Variants in MOBP observed in about 807,000 individuals in gnomAD.
MOBP encodes myelin associated oligodendrocyte basic protein.
A neutral mutation model predicts 15.0 loss-of-function variants in MOBP; 5 were observed. The ratio of observed to expected loss-of-function variants is 0.33; its 90% confidence interval spans 0.17 to 0.70. MOBP has a LOEUF of 0.70. Among genes scored for constraint, MOBP ranks in the 30% least tolerant of loss-of-function variants. MOBP has a pLI of 0.67. For missense variants in MOBP, 188 were observed against 257.8 expected (o/e 0.73, Z 1.85); for synonymous variants, 88 against 99.0 (o/e 0.89, Z 0.66).
intron 2 of MOBP, among the ~76,000 whole-genome samples, chr3:39,498,866 C>T (rs1455321670): frequency 6.6e-6 from 1 of 151,806 alleles, no homozygotes; most frequent in Admixed American, 6.6e-5. Context: ...AATGACTGGG[C>T]GGGGGTGCAG....
intron 2 of MOBP, among the ~76,000 whole-genome samples, chr3:39,501,258 T>C (rs2042965973): frequency 6.6e-6 from 1 of 152,232 alleles, no homozygotes; most frequent in South Asian, 2.1e-4. Flanking sequence ...CCTGAGTTTG[T>C]TGAGAGCAGA....
intron 2 of MOBP, among the ~76,000 whole-genome samples, chr3:39,482,340 T>C (rs1416229533): frequency 1.3e-5 from 2 of 152,170 alleles, no homozygotes; most frequent in African/African-American, 4.8e-5. Context: ...CTCAAAGCTA[T>C]GGAAGTGATC....
intron 2 of MOBP, among the ~76,000 whole-genome samples, chr3:39,496,760 T>C (rs779362023): frequency 6.6e-6 from 1 of 151,712 alleles, no homozygotes. Flanking sequence ...GCCTCCCGGG[T>C]TCAAGCGATT....
At chr3:39,471,726 A>G (rs2042473016) in intron 1 of MOBP, among the ~76,000 whole-genome samples, 1 of 151,896 alleles carries the variant, frequency 6.6e-6, no homozygotes. Flanking sequence ...ACTTGTTTCC[A>G]TTCAGCTCTG....
At position 39,502,802 on chromosome 3, in the gene MOBP, A is replaced by G; in HGVS notation, c.474A>G (p.Gln158=). The change falls in exon 4 of 4, where the codon CAA becomes CAG. Residue 158 remains glutamine (Q), a synonymous_variant. Transcript: ENST00000684792. The surrounding 1 kb of genome is among the most constrained non-coding windows in gnomAD (Gnocchi z 6.3). ...AKQRPPQKSK[Q]QPRSSPLRGP... is the part of the protein sequence containing the mutation. Reference sequence around the variant, plus strand: ...AGCGTCCCCCTCAGAAGTCCAAGCAACAGCCGCGCAGCAGCCCCCTCAGAG... The same window carrying G: ...AGCGTCCCCCTCAGAAGTCCAAGCAGCAGCCGCGCAGCAGCCCCCTCAGAG... 3.9e-6 allele frequency: 6 copies of G among 1,534,578 alleles called. No individual in the cohort carries two copies. The highest frequency in any genetic ancestry group is 5.2e-6 in the Non-Finnish European group (6 of 1,145,870).
chr3:39,469,022 GTGTA>G (rs1158328294), intron 1 of MOBP, among the ~76,000 whole-genome samples: 3 of 73,118 alleles, frequency 4.1e-5, no homozygotes, highest in African/African-American at 3.3e-4. Context: ...ATACATATGT[GTGTA>G]TATATATACA....
At chr3:39,470,132 C>T (rs770633267) in intron 1 of MOBP, among the ~76,000 whole-genome samples, 5 of 152,154 alleles carry the variant, frequency 3.3e-5, no homozygotes, top group Non-Finnish European at 7.4e-5. Flanking sequence ...GGCATCCTTT[C>T]GCGGGTTGAC....
intron 2 of MOBP, among the ~76,000 whole-genome samples, chr3:39,498,282 T>C (rs1053795340): frequency 6.6e-5 from 10 of 152,218 alleles, no homozygotes; most frequent in African/African-American, 1.7e-4. Flanking sequence ...GTACCCCAAC[T>C]AAGTGCTGTA....
At position 39,502,530 on chromosome 3, in the gene MOBP, C is replaced by A; in HGVS notation, c.207-5C>A. The A allele has an allele frequency of 6.3e-7, 1 of 1,574,866 alleles. No individual in the cohort carries two copies. Among genetic ancestry groups the A allele is most frequent in the Non-Finnish European group, 8.6e-7 (1 of 1,169,134 alleles). ...CCCGCCTCCAGCTTCTTTTGGCCCTCTCAGAACCAGCCGCCGTGCCAAGTC... is the reference window on the plus strand; with the variant it reads ...CCCGCCTCCAGCTTCTTTTGGCCCTATCAGAACCAGCCGCCGTGCCAAGTC... On this transcript the variant is annotated splice_polypyrimidine_tract_variant and splice_region_variant and intron_variant, in intron 3 of 3. Transcript: ENST00000684792. This position sits in a 1 kb window ranked among gnomAD's most constrained non-coding sequence, Gnocchi z 6.3.
intron 3 of MOBP, among the ~76,000 whole-genome samples, chr3:39,521,730 G>T (rs1199395210): frequency 1.3e-5 from 2 of 150,866 alleles, no homozygotes; most frequent in African/African-American, 5.0e-5. Flanking sequence ...ACTCAAAAAT[G>T]AAAATGTCCG....
chr3:39,482,373 C>T (rs905532873), intron 2 of MOBP, among the ~76,000 whole-genome samples: 12 of 152,110 alleles, frequency 7.9e-5, no homozygotes, highest in African/African-American at 1.9e-4. Flanking sequence ...ACCTCTGGGT[C>T]GGGCACGGTG....
chr3:39,503,022 T>A lies in MOBP; in HGVS notation c.*142T>A. 1 of 564,234 alleles carries A rather than the reference T, an allele frequency of 1.8e-6. No individual in the cohort carries two copies. The highest frequency in any genetic ancestry group is 3.1e-6 in the Non-Finnish European group (1 of 323,042). The allele number at this position is 564,234 out of a possible 1,614,324, so 35.0% of individuals were successfully genotyped here. ...GCTCCCTCCATTAAATCCCCTCTGT[T>A]TGAAATACCTAGTGTGGCTTCTGGT... On this transcript the variant is annotated 3_prime_UTR_variant, in exon 4 of 4. Coordinates refer to ENST00000684792, the MANE Select transcript of MOBP (RefSeq NM_001393704.1).
In MOBP at chr3:39,502,832, A is replaced by T; in HGVS notation, c.504A>T (p.Pro168=). The T allele has an allele frequency of 6.6e-7, 1 of 1,516,078 alleles. No homozygotes were observed. Among genetic ancestry groups the T allele is most frequent in the Non-Finnish European group, 8.8e-7 (1 of 1,131,900 alleles). 93.9% of individuals were successfully genotyped at this position (1,516,078 alleles called of 1,614,324 possible). A position where few individuals can be genotyped will look rare whatever the true frequency, so the allele number is the denominator to read the frequency against. Residue 168 remains proline (P), a synonymous_variant, in exon 4 of 4, where the codon CCA becomes CCT. Coordinates refer to ENST00000684792, the MANE Select transcript of MOBP (RefSeq NM_001393704.1). This position sits in a 1 kb window ranked among gnomAD's most constrained non-coding sequence, Gnocchi z 6.3. ...CGCGCAGCAGCCCCCTCAGAGGGCC[A>T]GGCGCCAGCCGTGGGGGGTCCCCCG... ...QQPRSSPLRG[P]GASRGGSPVK...
At chr3:39,470,370 C>T (rs909183321) in intron 1 of MOBP, among the ~76,000 whole-genome samples, 4 of 152,136 alleles carry the variant, frequency 2.6e-5, no homozygotes, top group Non-Finnish European at 5.9e-5. Context: ...ACCAGACATT[C>T]GTAAAACAAG....
intron 1 of MOBP, among the ~76,000 whole-genome samples, chr3:39,474,955 A>G (rs1033560372): frequency 6.6e-6 from 1 of 152,172 alleles, no homozygotes; most frequent in Non-Finnish European, 1.5e-5. Flanking sequence ...TAACATTGAT[A>G]CATTATTAAT....
rs542479022 is a variant in MOBP, at chr3:39,509,102, G to A, written c.*-4281G>A. On this transcript the variant is annotated intron_variant, in intron 4 of 4. Transcript: ENST00000311042. ...TGTGTGAGAGTGTTTGTGTGTGTGTGTGTATATATATATATATATGGATTC... is the reference window on the plus strand; with the variant it reads ...TGTGTGAGAGTGTTTGTGTGTGTGTATGTATATATATATATATATGGATTC... Among the ~76,000 whole-genome samples the A allele has an allele frequency of 3.2e-3, 311 of 97,156 alleles. 3 individuals are homozygous for A. The East Asian group carries it at 0.056, about 17-fold the overall frequency. The allele number at this position is 97,156 out of a possible 152,430, so 63.7% of individuals were successfully genotyped here.
At chr3:39,480,403 A>G (rs1392728468) in intron 2 of MOBP, among the ~76,000 whole-genome samples, 1 of 152,200 alleles carries the variant, frequency 6.6e-6, no homozygotes, top group African/African-American at 2.4e-5. Flanking sequence ...TGCACAGCGG[A>G]ACAGCCATTC....
At position 39,469,254 on chromosome 3, in the gene MOBP, A is replaced by G. The variant is rs201247496; in HGVS notation, c.-89+1514A>G. Among the ~76,000 whole-genome samples, 64 of 144,360 alleles carry G rather than the reference A, an allele frequency of 4.4e-4. 4 individuals carry two copies. In the East Asian group the frequency reaches 0.011, roughly 26 times the overall value. The allele number at this position is 144,360 out of a possible 152,430, so 94.7% of individuals were successfully genotyped here. On this transcript the variant is annotated intron_variant, in intron 1 of 3. Coordinates refer to ENST00000684792, the MANE Select transcript of MOBP (RefSeq NM_001393704.1). ...CATATGTGTGTGTATATATACATAT[A>G]TGTGTGTGTATATGTATAGATATAT...
chr3:39,505,545 C>T (rs943281271), downstream of MOBP, among the ~76,000 whole-genome samples: 4 of 152,132 alleles, frequency 2.6e-5, no homozygotes, highest in Admixed American at 6.5e-5. Flanking sequence ...TATCTGGGAG[C>T]AGTCCTTTAT....
Sources: allele counts gnomAD v4.1 joint callset (sites outside exome capture counted in the v4.1 genomes callset), GRCh38; gene constraint gnomAD v4.1.1; non-coding constraint Gnocchi (gnomAD v3.1); transcripts MANE v1.5; gene names NCBI Gene and HGNC (gene_info 2026-07-23, HGNC 2026-07-21).